The following SASH1 variants were observed in gnomAD, a reference collection of about 807,000 sequenced individuals.
The protein encoded by SASH1 is SAM and SH3 domain containing 1, also known as SAM and SH3 domain-containing protein 1.
A neutral mutation model predicts 125.2 loss-of-function variants in SASH1; 44 were observed. The observed-to-expected ratio is 0.35, with a 90% CI of 0.28 to 0.45. SASH1 has a LOEUF of 0.45. SASH1 is among the 20% of genes least tolerant of loss of function. The pLI, the probability that SASH1 is intolerant of heterozygous loss-of-function variation, is 1.00. For missense variants in SASH1, 1,426 were observed against 1,614.5 expected, an observed-to-expected ratio of 0.88 and a Z score of 2.00; for synonymous variants, 639 against 649.1, an observed-to-expected ratio of 0.98 and a Z score of 0.24.
intron 10 of SASH1, among the ~76,000 whole-genome samples, chr6:148,523,757 C>A (rs1780956416): frequency 6.6e-6 from 1 of 152,106 alleles, no homozygotes; most frequent in Non-Finnish European, 1.5e-5. Flanking sequence ...AAGCTCCAGC[C>A]CTGTATTTGC....
intron 17 of SASH1, among the ~76,000 whole-genome samples, chr6:148,543,026 T>C (rs1782326034): frequency 6.6e-6 from 1 of 152,224 alleles, no homozygotes; most frequent in Non-Finnish European, 1.5e-5. Context: ...GTCTGGTTGA[T>C]AGTTCAGTTA....
the SASH1 span, among the ~76,000 whole-genome samples, chr6:148,227,490 T>A: frequency 6.6e-6 from 1 of 152,272 alleles, no homozygotes; most frequent in South Asian, 2.1e-4. Context: ...CCCAGGTAGC[T>A]GAGATTACAG....
At position 148,326,523 on chromosome 6, in the gene SASH1, G is replaced by C. The variant is rs375946064; in HGVS notation, n.74+54146G>C. ...GGGTTCAAGCAATTCTCGTGCCTTGGTCTTCTGAGTAGCTGGGATTACAGC... is the reference window on the plus strand; with the variant it reads ...GGGTTCAAGCAATTCTCGTGCCTTGCTCTTCTGAGTAGCTGGGATTACAGC... On this transcript the variant is annotated intron_variant and non_coding_transcript_variant, in intron 1 of 3. Coordinates refer to the SASH1 transcript ENST00000367469. Among the ~76,000 whole-genome samples the C allele has an allele frequency of 2.2e-4, 33 of 148,682 alleles. No homozygotes were observed. The East Asian group carries it at 4.6e-3, about 21-fold the overall frequency.
chr6:148,294,712 G>A (rs1582927261), intron 1 of SASH1, among the ~76,000 whole-genome samples: 1 of 152,174 alleles, frequency 6.6e-6, no homozygotes, highest in African/African-American at 2.4e-5. Flanking sequence ...TGTGTGATCA[G>A]ATCCCAAGGT....
chr6:148,427,830 G>T (rs1158872258), intron 2 of SASH1, among the ~76,000 whole-genome samples: 4 of 152,164 alleles, frequency 2.6e-5, no homozygotes, highest in Non-Finnish European at 4.4e-5. Context: ...CTCTGAATGG[G>T]TACGGGAGTG....
the SASH1 span, among the ~76,000 whole-genome samples, chr6:148,231,233 C>T: frequency 6.6e-6 from 1 of 152,170 alleles, no homozygotes; most frequent in Non-Finnish European, 1.5e-5. Context: ...GTTGAAATGT[C>T]TATTCTTTAC....
At chr6:148,318,709 C>A (rs963859522) in intron 1 of SASH1, among the ~76,000 whole-genome samples, 3 of 152,014 alleles carry the variant, frequency 2.0e-5, no homozygotes, top group Admixed American at 6.6e-5. Context: ...CCGGCCACCA[C>A]GCTCAGCTAA....
intron 16 of SASH1, among the ~76,000 whole-genome samples, chr6:148,538,779 T>C (rs892938584): frequency 5.9e-5 from 9 of 152,196 alleles, no homozygotes; most frequent in African/African-American, 2.2e-4. Context: ...GATTTCTTTT[T>C]TTCTTTGTGT....
chr6:148,459,169 A>G (rs1777501442), intron 4 of SASH1, among the ~76,000 whole-genome samples: 1 of 152,164 alleles, frequency 6.6e-6, no homozygotes, highest in Non-Finnish European at 1.5e-5. Context: ...TCATGGAGCA[A>G]TTTTATCTCA....
intron 2 of SASH1, among the ~76,000 whole-genome samples, chr6:148,415,595 G>T (rs1306681385): frequency 6.6e-6 from 1 of 152,144 alleles, no homozygotes; most frequent in African/African-American, 2.4e-5. Flanking sequence ...TGTTGTCTGG[G>T]AGCACAGATA....
intron 1 of SASH1, among the ~76,000 whole-genome samples, chr6:148,373,924 G>A (rs1029170757): frequency 6.6e-6 from 1 of 152,222 alleles, no homozygotes. Flanking sequence ...ACTAAGCTGA[G>A]ATGGTGCTGT....
At chr6:148,200,771 A>G in the SASH1 span, among the ~76,000 whole-genome samples, 2 of 152,234 alleles carry the variant, frequency 1.3e-5, no homozygotes, top group African/African-American at 2.4e-5. Flanking sequence ...GGCATTTACA[A>G]TTGAAGGACA....
At chr6:148,331,673 T>A (rs1367723986) in intron 1 of SASH1, among the ~76,000 whole-genome samples, 2 of 152,068 alleles carry the variant, frequency 1.3e-5, no homozygotes, top group East Asian at 3.9e-4. Flanking sequence ...AAAACCTAAC[T>A]GGCTATTGCC....
chr6:148,255,698 C>T, the SASH1 span, among the ~76,000 whole-genome samples: 3 of 151,918 alleles, frequency 2.0e-5, no homozygotes, highest in Non-Finnish European at 4.4e-5. Context: ...AGTGCAGTGG[C>T]GTGGTGCCAT....
At chr6:148,280,286 C>T (rs1377505002) in intron 1 of SASH1, 1 of 151,804 alleles carries the variant, frequency 6.6e-6, no homozygotes, top group South Asian at 2.1e-4. Context: ...CAGTTACCTT[C>T]GAAGTCAGAC....
chr6:148,343,274 C>T (rs1349915240), intron 1 of SASH1, 51 bp downstream of exon 1: 5 of 1,517,524 alleles, frequency 3.3e-6, no homozygotes, highest in East Asian at 2.5e-5. Flanking sequence ...CGCAGCAGCC[C>T]CTCTGAAACC....
At chr6:148,316,574 A>G (rs1780485047) in intron 1 of SASH1, among the ~76,000 whole-genome samples, 1 of 152,248 alleles carries the variant, frequency 6.6e-6, no homozygotes, top group South Asian at 2.1e-4. Flanking sequence ...GATTAGAAGA[A>G]AGCTCTCAGG....
At chr6:148,395,241 T>C (rs1315945650) in intron 2 of SASH1, among the ~76,000 whole-genome samples, 1 of 152,214 alleles carries the variant, frequency 6.6e-6, no homozygotes, top group Non-Finnish European at 1.5e-5. Context: ...ACAGATAGGA[T>C]ACTTAGATAT....
At chr6:148,512,398 TG>T (rs1780201119) in intron 8 of SASH1, 1 of 836,248 alleles carries the variant, frequency 1.2e-6, no homozygotes, top group African/African-American at 1.8e-5. Flanking sequence ...TAGAATTGCT[TG>T]GCTTTTGAGC....
Sources: gnomAD v4.1 joint callset for allele counts (sites outside exome capture counted in the v4.1 genomes callset) on GRCh38, gnomAD v4.1.1 for gene constraint, MANE v1.5 for transcripts, NCBI Gene and HGNC (gene_info 2026-07-23, HGNC 2026-07-21) for gene names.